EPS15: variants seen among roughly 807,000 people sequenced by gnomAD.
The protein encoded by EPS15 is epidermal growth factor receptor substrate 15.
Under a neutral mutation model 113.8 loss-of-function variants are expected in EPS15, and 72 were observed. The observed-to-expected ratio is 0.63, with a 90% CI of 0.52 to 0.77. The LOEUF (loss-of-function observed/expected upper bound fraction) is 0.77. EPS15 is among the 30% of genes least tolerant of loss of function. The pLI is 0.00. For missense variants in EPS15, 1,048 were observed against 1,045.8 expected (o/e 1.00, Z -0.03); for synonymous variants, 344 against 363.4 (o/e 0.95, Z 0.61).
chr1:51,378,113 T>A (rs1408397156), intron 21 of EPS15, among the ~76,000 whole-genome samples: 1 of 151,988 alleles, frequency 6.6e-6, no homozygotes, highest in Non-Finnish European at 1.5e-5. Context: ...CGCAGGCTGG[T>A]CTTGAACTCC....
rs201374174 is a variant in EPS15 at position 51,384,294 on chromosome 1, C to CTTTT, written c.2119+10086_2119+10087insAAAA. On this transcript the variant is annotated intron_variant, in intron 21 of 24. Transcript: ENST00000371733. The stretch of plus-strand genomic sequence containing the variant: ...CAAAGCAGTCTTTTTCTTTTTCTTT[C>CTTTT]TTTCTTTTTTTTTTTTTTTTTTTTG... Among the ~76,000 whole-genome samples, 134 of 98,482 alleles carry CTTTT rather than the reference C, an allele frequency of 1.4e-3. 1 individual carries two copies. Among genetic ancestry groups the CTTTT allele is most frequent in the African/African-American group, 3.3e-3 (83 of 24,956 alleles). 64.6% of individuals were successfully genotyped at this position (98,482 alleles called of 152,430 possible). A position where few individuals can be genotyped will look rare whatever the true frequency, so the allele number is the denominator to read the frequency against.
At chr1:51,483,439 G>C (rs893355512) in intron 1 of EPS15, among the ~76,000 whole-genome samples, 22 of 148,284 alleles carry the variant, frequency 1.5e-4, no homozygotes, top group African/African-American at 5.5e-4. Context: ...GTGTGTGTGT[G>C]TCTCATACTG....
rs148380501 is a variant in EPS15, at chr1:51,359,443, T to TAA, written c.2544+1726_2544+1727dup. Among the ~76,000 whole-genome samples, 877 of 104,036 alleles carry TAA rather than the reference T, an allele frequency of 8.4e-3. 8 individuals are homozygous for TAA. The highest frequency in any genetic ancestry group is 0.03 in the African/African-American group (817 of 26,910). The allele number at this position is 104,036 out of a possible 152,430, so 68.3% of individuals were successfully genotyped here. The stretch of plus-strand genomic sequence containing the variant: ...TGGCGACAGAGCAAGACTCTGTCTT[T>TAA]AAAAAAAAAAAAAAAAAAAAGGAAA... On this transcript the variant is annotated intron_variant, in intron 24 of 24. Coordinates refer to ENST00000371733, the MANE Select transcript of EPS15 (RefSeq NM_001981.3).
intron 1 of EPS15, among the ~76,000 whole-genome samples, 188 bp downstream of exon 1, chr1:51,519,010 AG>A (rs528511840): frequency 2.0e-5 from 3 of 151,180 alleles, no homozygotes; most frequent in African/African-American, 7.3e-5. Context: ...CGGCGGCCGC[AG>A]GGGGGCTCCG....
At chr1:51,403,316 TGAA>T in intron 17 of EPS15, 100 bp downstream of exon 17, 1 of 526,992 alleles carries the variant, frequency 1.9e-6, no homozygotes, top group Non-Finnish European at 3.3e-6. Flanking sequence ...ATCTATCATC[TGAA>T]TAATGTATAT....
At chr1:51,420,604 A>C (rs1239721439) in intron 13 of EPS15, among the ~76,000 whole-genome samples, 1 of 152,180 alleles carries the variant, frequency 6.6e-6, no homozygotes, top group East Asian at 1.9e-4. Context: ...TGCACAAAAT[A>C]ATGTAATTCA....
intron 21 of EPS15, among the ~76,000 whole-genome samples, chr1:51,369,428 T>C (rs1030860809): frequency 3.9e-5 from 6 of 152,176 alleles, no homozygotes; most frequent in Non-Finnish European, 5.9e-5. Context: ...TTCTTCCTCT[T>C]GGTGTACACA....
intron 1 of EPS15, among the ~76,000 whole-genome samples, chr1:51,484,685 A>G (rs1274298880): frequency 6.6e-6 from 1 of 152,208 alleles, no homozygotes; most frequent in East Asian, 1.9e-4. Context: ...GACTTACTGA[A>G]AAGTATCCTC....
chr1:51,382,001 T>C (rs1455084321), intron 21 of EPS15, among the ~76,000 whole-genome samples: 4 of 151,940 alleles, frequency 2.6e-5, no homozygotes, highest in African/African-American at 7.2e-5. Flanking sequence ...AGAAAATCAA[T>C]AGAACCAAGA....
In EPS15 at chr1:51,406,066, T is replaced by TA; in HGVS notation, c.1515dup (p.Asn506Ter). On this transcript the variant is annotated frameshift_variant, in exon 16 of 25. Coordinates refer to ENST00000371733, the MANE Select transcript of EPS15 (RefSeq NM_001981.3). LOFTEE classifies it high-confidence loss of function. Reference sequence around the variant, plus strand: ...CTACTGCACCAATTTAACTGACTATTATGATTTTCCAAATCTTTCATTTCC... The same window carrying TA: ...CTACTGCACCAATTTAACTGACTATTAATGATTTTCCAAATCTTTCATTTCC... 6 of 1,614,152 alleles carry TA rather than the reference T, an allele frequency of 3.7e-6. No individual in the cohort carries two copies. Among genetic ancestry groups the TA allele is most frequent in the Non-Finnish European group, 5.1e-6 (6 of 1,180,002 alleles).
chr1:51,497,796 G>A (rs1435479601), intron 1 of EPS15, among the ~76,000 whole-genome samples: 1 of 152,046 alleles, frequency 6.6e-6, no homozygotes, highest in African/African-American at 2.4e-5. Flanking sequence ...GGCCAACATG[G>A]TGAAACACCA....
chr1:51,398,345 G>A (rs1170895787), intron 20 of EPS15, among the ~76,000 whole-genome samples: 6 of 152,182 alleles, frequency 3.9e-5, no homozygotes, highest in South Asian at 4.2e-4. Context: ...GAGCCACCGC[G>A]CCCAGCCATG....
chr1:51,489,478 C>G (rs1432296713), intron 1 of EPS15, among the ~76,000 whole-genome samples: 1 of 151,846 alleles, frequency 6.6e-6, no homozygotes, highest in Non-Finnish European at 1.5e-5. Flanking sequence ...CACACCACCA[C>G]GCCAGACTAT....
rs375732046 is a variant in EPS15 at position 51,357,176 on chromosome 1, G to A, written c.2545-330C>T. ...GTGGATCACCTGAGGTCAGGAGTTC[G>A]AGACCAGCTTGGCCAACATGGCAAA... On this transcript the variant is annotated intron_variant, in intron 24 of 24. Coordinates refer to ENST00000371733, the MANE Select transcript of EPS15 (RefSeq NM_001981.3). 4.0e-5 allele frequency among the ~76,000 whole-genome samples: 6 copies of A among 151,216 alleles called. No individual in the cohort carries two copies. In the East Asian group the frequency reaches 5.8e-4, roughly 15 times the overall value.
chr1:51,491,859 A>ATTTTT (rs1007233147), intron 1 of EPS15, among the ~76,000 whole-genome samples: 8 of 129,820 alleles, frequency 6.2e-5, no homozygotes, highest in African/African-American at 2.4e-4. Context: ...AACTCATTTA[A>ATTTTT]TTTTTTTTTT....
intron 19 of EPS15, 142 bp downstream of exon 19, chr1:51,400,775 CA>C (rs1316573420): frequency 8.9e-6 from 2 of 224,730 alleles, no homozygotes; most frequent in African/African-American, 5.3e-5. Flanking sequence ...TAAGCAAAAT[CA>C]AAAGAATTTA....
intron 12 of EPS15, among the ~76,000 whole-genome samples, chr1:51,438,829 C>A (rs944315987): frequency 6.6e-6 from 1 of 151,890 alleles, no homozygotes; most frequent in African/African-American, 2.4e-5. Context: ...GGTTTTGATA[C>A]CAATACTGTC....
At chr1:51,507,786 G>C (rs1316901960) in intron 1 of EPS15, among the ~76,000 whole-genome samples, 4 of 152,028 alleles carry the variant, frequency 2.6e-5, no homozygotes, top group Non-Finnish European at 5.9e-5. Context: ...CGATGTAAAA[G>C]ACTAAAATTT....
At chr1:51,389,366 T>C (rs1647193393) in intron 21 of EPS15, among the ~76,000 whole-genome samples, 2 of 152,248 alleles carry the variant, frequency 1.3e-5, no homozygotes. Context: ...AATATCATAC[T>C]GAATGGGCAA....
Sources: gnomAD v4.1 joint callset for allele counts (sites outside exome capture counted in the v4.1 genomes callset) on GRCh38, gnomAD v4.1.1 for gene constraint, MANE v1.5 for transcripts, NCBI Gene and HGNC (gene_info 2026-07-23, HGNC 2026-07-21) for gene names.